SSX7: variants seen among roughly 807,000 people sequenced by gnomAD.
The protein encoded by SSX7 is protein SSX7.
Under a neutral mutation model 14.7 loss-of-function variants are expected in SSX7, and 15 were observed. The observed-to-expected ratio is 1.02, with a 90% CI of 0.68 to 1.58. The LOEUF (loss-of-function observed/expected upper bound fraction) is 1.58, where lower values mean the gene tolerates loss of function less well. Ranked by LOEUF, SSX7 falls within the 40% of genes most tolerant of loss-of-function variation. The probability of loss-of-function intolerance (pLI) is 0.00; values close to 1 mark genes in which losing one functional copy is unlikely to be tolerated. For missense variants in SSX7, 178 were observed against 146.8 expected, an observed-to-expected ratio of 1.21 and a Z score of -1.10; for synonymous variants, 46 against 50.6, an observed-to-expected ratio of 0.91 and a Z score of 0.38.
rs1381667343 is a variant in SSX7, at chrX:52,645,504, C to T, written c.506G>A (p.Arg169His). The change falls in exon 7 of 8, where the codon CGT becomes CAT. Residue 169 changes from arginine (R) to histidine (H), a missense_variant. By Grantham distance (29) the Arg-to-His change is conservative. Transcript: ENST00000298181. ...ATAAATCACCAGCTGCTTTCTCTCACGCAGTCTGTGGGTCCAGGCATGTTT... is the reference window on the plus strand; with the variant it reads ...ATAAATCACCAGCTGCTTTCTCTCATGCAGTCTGTGGGTCCAGGCATGTTT... ...RGKHAWTHRL[R>H]ERKQLVIYEE... 1.1e-5 allele frequency: 13 copies of T among 1,201,515 alleles called. No individual in the cohort carries two copies. The highest frequency in any genetic ancestry group is 3.2e-4 in the Middle Eastern group (1 of 3,117).
intron 5 of SSX7, 53 bp from the exon 6 acceptor site, chrX:52,648,449 C>A (rs1276523491): frequency 2.3e-5 from 28 of 1,191,801 alleles, no homozygotes; most frequent in Non-Finnish European, 1.1e-6. Context: ...TTCTATAGTG[C>A]TTTAGAGCTT....
intron 6 of SSX7, 65 bp from the exon 7 acceptor site, chrX:52,645,608 T>C (rs1454556429): frequency 9.5e-5 from 92 of 969,579 alleles, no homozygotes; most frequent in Non-Finnish European, 1.2e-4. Context: ...CTCTGTTTTC[T>C]CAAAAAAAGG....
chrX:52,646,771 G>A (rs1223263683), intron 6 of SSX7, among the ~76,000 whole-genome samples: 4 of 111,250 alleles, frequency 3.6e-5, no homozygotes, highest in African/African-American at 6.5e-5. Flanking sequence ...CCCTATAATG[G>A]CCGCTAAGTA....
At chrX:52,654,364 G>GTTTTTTTTTTT (rs1352091546) in intron 1 of SSX7, among the ~76,000 whole-genome samples, 4 of 60,923 alleles carry the variant, frequency 6.6e-5, no homozygotes, top group African/African-American at 2.0e-4. Context: ...ATTTGAGTGA[G>GTTTTTTTTTTT]TTTTTTTTTT....
chrX:52,648,653 A>G (rs1330654508), intron 5 of SSX7, among the ~76,000 whole-genome samples: 1 of 111,759 alleles, frequency 8.9e-6, no homozygotes, highest in Non-Finnish European at 1.9e-5. Flanking sequence ...AAAAATCTCC[A>G]TGCAATTGAG....
Position 52,645,434 on chromosome X carries a change from C to G in SSX7, c.*4+5G>C. 1 of 1,200,012 alleles carries G rather than the reference C, an allele frequency of 8.3e-7. No homozygotes were observed. The highest frequency in any genetic ancestry group is 1.1e-6 in the Non-Finnish European group (1 of 888,720). ...ATGTGGGGGATGAGCCGAAGGTTCACTTACGGAGTTACTCGTCGTCTTCTT... is the reference window on the plus strand; with the variant it reads ...ATGTGGGGGATGAGCCGAAGGTTCAGTTACGGAGTTACTCGTCGTCTTCTT... On this transcript the variant is annotated splice_donor_5th_base_variant and intron_variant, in intron 7 of 7. Transcript: ENST00000298181.
chrX:52,648,651 C>T (rs1231051008), intron 5 of SSX7, among the ~76,000 whole-genome samples: 2 of 111,644 alleles, frequency 1.8e-5, no homozygotes, highest in Non-Finnish European at 3.8e-5. Flanking sequence ...GTAAAAATCT[C>T]CATGCAATTG....
chrX:52,647,004 T>C (rs1169688649), intron 6 of SSX7, among the ~76,000 whole-genome samples: 3 of 112,387 alleles, frequency 2.7e-5, no homozygotes, highest in African/African-American at 9.7e-5. Flanking sequence ...AACACTCCAG[T>C]GAACACACGA....
Position 52,653,404 on chromosome X carries a change from C to G in SSX7, c.69G>C (p.Lys23Asn). Residue 23 changes from lysine (K) to asparagine (N), a missense_variant and splice_region_variant, in exon 2 of 8, where the codon AAG (lysine) becomes AAC (asparagine). Physicochemically the swap from Lys to Asn is moderately conservative, Grantham distance 94. Transcript: ENST00000298181. ...CTCTGCTCCCTCCAGGTCACCTCACCTTTTGGATCTTCTCTGGTATTTGAG... is the reference window on the plus strand; with the variant it reads ...CTCTGCTCCCTCCAGGTCACCTCACGTTTTGGATCTTCTCTGGTATTTGAG... ...AGAQIPEKIQKSFDDIAKYFS... is the reference protein window; with the variant it reads ...AGAQIPEKIQNSFDDIAKYFS... 1 of 1,211,305 alleles carries G rather than the reference C, an allele frequency of 8.3e-7. No homozygotes were observed. The highest frequency in any genetic ancestry group is 1.1e-6 in the Non-Finnish European group (1 of 895,330).
Position 52,648,292 on chromosome X carries a change from T to G in SSX7, c.435A>C (p.Pro145=), listed in dbSNP as rs1925315246. The change falls in exon 6 of 8, where the codon CCA becomes CCC. Residue 145 remains proline, a synonymous_variant. Coordinates refer to ENST00000298181, the MANE Select transcript of SSX7 (RefSeq NM_173358.2). ...TCTTGTTAATCTTCTCAGAGGTACT[T>G]GGTTTTCCTGGAGGGCACAGGTGTT... ...DGKHLCPPGK[P]STSEKINKTS... The G allele has an allele frequency of 1.7e-6, 2 of 1,209,723 alleles. No homozygotes were observed. The highest frequency in any genetic ancestry group is 2.2e-6 in the Non-Finnish European group (2 of 895,111).
chrX:52,650,271 T>C, intron 5 of SSX7, 82 bp downstream of exon 5: 2 of 1,133,742 alleles, frequency 1.8e-6, no homozygotes, highest in Non-Finnish European at 2.4e-6. Flanking sequence ...AGGGCATTTT[T>C]TATATTCTCC....
intron 4 of SSX7, among the ~76,000 whole-genome samples, chrX:52,651,952 C>T (rs782537838): frequency 1.8e-4 from 20 of 111,052 alleles, no homozygotes; most frequent in African/African-American, 5.9e-4. Flanking sequence ...CAATCCCTGC[C>T]CGCCCTCCCT....
chrX:52,644,705 G>A, intron 7 of SSX7, 35 bp from the exon 8 acceptor site: 1 of 1,186,803 alleles, frequency 8.4e-7, no homozygotes, highest in Middle Eastern at 3.3e-4. Flanking sequence ...GTAAGTGGCA[G>A]TGAGTTCCCA....
chrX:52,650,318 G>A (rs782192038), intron 5 of SSX7, 35 bp downstream of exon 5: 1 of 1,202,588 alleles, frequency 8.3e-7, no homozygotes, highest in African/African-American at 1.7e-5. Context: ...GAGGGACAAA[G>A]GTTCTCTGGT....
At chrX:52,646,002 A>C (rs1475745160) in intron 6 of SSX7, among the ~76,000 whole-genome samples, 2 of 110,873 alleles carry the variant, frequency 1.8e-5, no homozygotes, top group African/African-American at 6.5e-5. Flanking sequence ...TTATTACTGA[A>C]ATTGTTTTTG....
In SSX7 at chrX:52,650,407, A is replaced by G; in HGVS notation, c.281-5T>C. The G allele has an allele frequency of 8.3e-7, 1 of 1,207,964 alleles. No individual in the cohort carries two copies. The highest frequency in any genetic ancestry group is 2.2e-5 in the Admixed American group (1 of 45,983). Reference sequence around the variant, plus strand: ...AAGTCATCTGAGGACGTTCAACTGAAAGAGAATATATCAGAATTTTTCTTT... The same window carrying G: ...AAGTCATCTGAGGACGTTCAACTGAGAGAGAATATATCAGAATTTTTCTTT... On this transcript the variant is annotated splice_polypyrimidine_tract_variant and splice_region_variant and intron_variant, in intron 4 of 7. Coordinates refer to ENST00000298181, the MANE Select transcript of SSX7 (RefSeq NM_173358.2).
chrX:52,645,716 C>T (rs1450354903), intron 6 of SSX7, among the ~76,000 whole-genome samples, 173 bp from the exon 7 acceptor site: 12 of 110,883 alleles, frequency 1.1e-4, no homozygotes, highest in African/African-American at 3.9e-4. Flanking sequence ...CACACCAATA[C>T]AGGCCAAATG....
At chrX:52,651,839 C>T (rs1925441275) in intron 4 of SSX7, among the ~76,000 whole-genome samples, 1 of 111,224 alleles carries the variant, frequency 9.0e-6, no homozygotes, top group African/African-American at 3.3e-5. Flanking sequence ...TGCCTTATTG[C>T]ACTCTACCCT....
intron 7 of SSX7, among the ~76,000 whole-genome samples, chrX:52,644,963 G>T (rs1556766158): frequency 2.7e-5 from 3 of 111,198 alleles, no homozygotes; most frequent in African/African-American, 9.8e-5. Context: ...GATATACAGG[G>T]CAGGGAGTAA....
Sources: gnomAD v4.1 joint callset for allele counts (sites outside exome capture counted in the v4.1 genomes callset) on GRCh38, gnomAD v4.1.1 for gene constraint, MANE v1.5 for transcripts, NCBI Gene and HGNC (gene_info 2026-07-23, HGNC 2026-07-21) for gene names.